The following SPMIP6 variants were observed in gnomAD, a reference collection of about 807,000 sequenced individuals.
The protein encoded by SPMIP6 is ciliated bronchial epithelial protein 1.
the SPMIP6 span, among the ~76,000 whole-genome samples, chr9:34,380,269 T>A: frequency 6.6e-6 from 1 of 152,156 alleles, no homozygotes; most frequent in Non-Finnish European, 1.5e-5. Context: ...AATGCCGAGC[T>A]GCAGTCTGGG....
chr9:34,388,206 T>C, the SPMIP6 span, among the ~76,000 whole-genome samples: 1 of 151,226 alleles, frequency 6.6e-6, no homozygotes, highest in Non-Finnish European at 1.5e-5. Context: ...AATGGCACAA[T>C]CTTGGCTCAC....
At chr9:34,380,943 T>C in the SPMIP6 span, 2 of 1,602,750 alleles carry the variant, frequency 1.2e-6, no homozygotes, top group Non-Finnish European at 1.7e-6. Flanking sequence ...CGGCGGTCGG[T>C]GCAGGGCGCC....
At chr9:34,396,559 C>CAG in the SPMIP6 span, among the ~76,000 whole-genome samples, 1 of 152,142 alleles carries the variant, frequency 6.6e-6, no homozygotes, top group Non-Finnish European at 1.5e-5. Context: ...ACAACATAGC[C>CAG]AGAGAGGCCC....
chr9:34,382,619 A>T, the SPMIP6 span: 1 of 675,844 alleles, frequency 1.5e-6, no homozygotes, highest in Non-Finnish European at 2.7e-6. Context: ...AGTTTCACAG[A>T]TGCGGAAGAG....
At chr9:34,392,794 C>A in the SPMIP6 span, among the ~76,000 whole-genome samples, 1 of 152,162 alleles carries the variant, frequency 6.6e-6, no homozygotes, top group Non-Finnish European at 1.5e-5. The surrounding 1 kb of genome is among the most constrained non-coding windows in gnomAD (Gnocchi z 4.6). Context: ...TCACTGCCTA[C>A]AACAATGATG....
chr9:34,386,015 G>A, the SPMIP6 span, among the ~76,000 whole-genome samples: 2 of 152,228 alleles, frequency 1.3e-5, no homozygotes, highest in African/African-American at 2.4e-5. Flanking sequence ...GGGCCGAGCG[G>A]TGGCCTTACG....
At chr9:34,382,931 A>T in the SPMIP6 span, 1 of 1,076,840 alleles carries the variant, frequency 9.3e-7, no homozygotes, top group South Asian at 1.2e-5. Flanking sequence ...AGGATCTGAG[A>T]TCCCCTACAT....
chr9:34,387,038 T>G, the SPMIP6 span, among the ~76,000 whole-genome samples: 2 of 151,692 alleles, frequency 1.3e-5, no homozygotes. Context: ...TGATTTTTTT[T>G]TTTTTTTTTT....
chr9:34,390,444 A>C, the SPMIP6 span, among the ~76,000 whole-genome samples: 3 of 152,142 alleles, frequency 2.0e-5, no homozygotes, highest in African/African-American at 7.2e-5. Flanking sequence ...ATTTTTACTA[A>C]GATCTCATGT....
At chr9:34,395,050 C>T in the SPMIP6 span, among the ~76,000 whole-genome samples, 13 of 151,740 alleles carry the variant, frequency 8.6e-5, no homozygotes, top group African/African-American at 2.9e-4. Context: ...ACTGCAGCCT[C>T]AACCTCCTGG....
the SPMIP6 span, among the ~76,000 whole-genome samples, chr9:34,393,919 G>C: frequency 6.6e-6 from 1 of 152,022 alleles, no homozygotes; most frequent in African/African-American, 2.4e-5. Flanking sequence ...ATTCTATTCA[G>C]TTCCTTTTTA....
chr9:34,379,166 G>A, the SPMIP6 span: 1 of 1,612,574 alleles, frequency 6.2e-7, no homozygotes, highest in African/African-American at 1.3e-5. The surrounding 1 kb of genome is among the most constrained non-coding windows in gnomAD (Gnocchi z 4.2). Context: ...ACTTCTTGAA[G>A]TGACTTGTGT....
At chr9:34,389,645 G>C in the SPMIP6 span, among the ~76,000 whole-genome samples, 4 of 152,174 alleles carry the variant, frequency 2.6e-5, no homozygotes, top group Non-Finnish European at 4.4e-5. Flanking sequence ...CTCCTAAAGT[G>C]CTGAGAACCA....
At chr9:34,386,401 C>T in the SPMIP6 span, among the ~76,000 whole-genome samples, 1 of 151,996 alleles carries the variant, frequency 6.6e-6, no homozygotes, top group African/African-American at 2.4e-5. Context: ...GGAGACTATC[C>T]TGGCTAACAT....
chr9:34,381,336 C>T, the SPMIP6 span: 1 of 1,613,828 alleles, frequency 6.2e-7, no homozygotes. This position sits in a 1 kb window ranked among gnomAD's most constrained non-coding sequence, Gnocchi z 4.4. Context: ...CCTCTCCACC[C>T]GTTCTTTCCA....
chr9:34,382,721 T>C, the SPMIP6 span: 1 of 1,428,542 alleles, frequency 7.0e-7, no homozygotes, highest in Non-Finnish European at 9.9e-7. Context: ...CGTGTCCCAG[T>C]CCCCAGACGT....
chr9:34,381,638 G>C, the SPMIP6 span: 200 of 1,431,076 alleles, frequency 1.4e-4, 1 homozygote, highest in Admixed American at 3.0e-4. The surrounding 1 kb of genome is among the most constrained non-coding windows in gnomAD (Gnocchi z 4.4). Flanking sequence ...GGGGCGGGGT[G>C]GGGTAGGAAG....
the SPMIP6 span, chr9:34,385,535 C>CAAAAA: frequency 1.5e-3 from 451 of 296,704 alleles, no homozygotes; most frequent in South Asian, 3.3e-3. Flanking sequence ...AACTCCGTCT[C>CAAAAA]AAAAAAAAAA....
At chr9:34,397,723 C>T in the SPMIP6 span, 29 of 1,384,774 alleles carry the variant, frequency 2.1e-5, no homozygotes, top group Non-Finnish European at 2.8e-5. Context: ...ACAGGCCACA[C>T]CTCCAGCCTG....
Sources: gnomAD v4.1 joint callset for allele counts (sites outside exome capture counted in the v4.1 genomes callset) on GRCh38, gnomAD v4.1.1 for gene constraint, Gnocchi (gnomAD v3.1) non-coding constraint, MANE v1.5 for transcripts, NCBI Gene and HGNC (gene_info 2026-07-23, HGNC 2026-07-21) for gene names.